The following NBEA variants were observed in gnomAD, a reference collection of about 807,000 sequenced individuals.
NBEA encodes the protein neurobeachin.
In NBEA, 44 loss-of-function variants were observed where a neutral mutation model predicts 343.4. That is an observed-to-expected ratio of 0.13 (90% confidence interval 0.10 to 0.16). The LOEUF (loss-of-function observed/expected upper bound fraction) is 0.16. Ranked by LOEUF, NBEA falls within the 10% of genes least tolerant of loss-of-function variation. NBEA has a pLI of 1.00. For missense variants in NBEA, 2,555 were observed against 3,631.3 expected (o/e 0.70, Z 7.62); for synonymous variants, 1,175 against 1,238.7 (o/e 0.95, Z 1.08).
chr13:35,581,905 G>GA (rs66496898), intron 45 of NBEA, among the ~76,000 whole-genome samples: 12,584 of 121,284 alleles, frequency 0.1, 608 homozygotes, highest in African/African-American at 0.16. Flanking sequence ...AAAAAGAAAA[G>GA]AAAAAAAAAG....
At chr13:35,203,986 AGAGCAGGG>A (rs1410893924) in intron 31 of NBEA, among the ~76,000 whole-genome samples, 1 of 152,164 alleles carries the variant, frequency 6.6e-6, no homozygotes, top group African/African-American at 2.4e-5. Flanking sequence ...TATGTAGAAT[AGAGCAGGG>A]GTCCCCACCC....
intron 1 of NBEA, among the ~76,000 whole-genome samples, chr13:35,035,368 G>A (rs929156942): frequency 4.0e-5 from 6 of 151,868 alleles, no homozygotes; most frequent in African/African-American, 7.2e-5. Flanking sequence ...GTTGTTGTCA[G>A]AGAAGAGCTT....
At chr13:35,052,790 T>C (rs1300467903) in intron 6 of NBEA, among the ~76,000 whole-genome samples, 1 of 152,048 alleles carries the variant, frequency 6.6e-6, no homozygotes, top group Non-Finnish European at 1.5e-5. Context: ...GATCAGCTCA[T>C]TAATCAGTGC....
intron 11 of NBEA, among the ~76,000 whole-genome samples, chr13:35,106,747 C>T (rs1392971673): frequency 1.3e-5 from 2 of 150,958 alleles, no homozygotes; most frequent in Non-Finnish European, 3.0e-5. Flanking sequence ...AATTGGTATG[C>T]GAAAACAATG....
intron 41 of NBEA, among the ~76,000 whole-genome samples, chr13:35,543,892 G>A (rs2078946682): frequency 6.6e-6 from 1 of 152,094 alleles, no homozygotes; most frequent in South Asian, 2.1e-4. Context: ...CTTCCAGGTG[G>A]TCATTTTGGA....
At chr13:35,174,944 C>T (rs2070761450) in intron 27 of NBEA, among the ~76,000 whole-genome samples, 2 of 151,996 alleles carry the variant, frequency 1.3e-5, no homozygotes, top group Admixed American at 1.3e-4. Context: ...AGATGTGTGC[C>T]ACCACGCCCA....
chr13:34,975,715 G>T (rs1416761644), intron 1 of NBEA, among the ~76,000 whole-genome samples: 2 of 151,262 alleles, frequency 1.3e-5, no homozygotes, highest in African/African-American at 2.4e-5. Flanking sequence ...AATCTACAAA[G>T]AACTCAAATC....
intron 48 of NBEA, among the ~76,000 whole-genome samples, chr13:35,620,044 C>T (rs148978213): frequency 1.1e-3 from 166 of 152,202 alleles, no homozygotes; most frequent in African/African-American, 3.9e-3. Flanking sequence ...TCAGAAGGTG[C>T]ACTCTAGTTA....
chr13:35,442,556 G>A (rs1044824675), intron 39 of NBEA, among the ~76,000 whole-genome samples: 4 of 152,008 alleles, frequency 2.6e-5, no homozygotes, highest in Non-Finnish European at 5.9e-5. Flanking sequence ...CCATTAAGAA[G>A]ATTATTAAGT....
chr13:35,116,676 T>C (rs553141783), intron 13 of NBEA, among the ~76,000 whole-genome samples: 59 of 152,178 alleles, frequency 3.9e-4, no homozygotes, highest in Non-Finnish European at 6.6e-4. Flanking sequence ...AGATAAATAC[T>C]GGTTGCTACA....
chr13:35,438,864 T>G (rs2045583264), intron 39 of NBEA, among the ~76,000 whole-genome samples: 1 of 152,216 alleles, frequency 6.6e-6, no homozygotes, highest in South Asian at 2.1e-4. Context: ...TAAAATACAT[T>G]TGACAGATAT....
chr13:35,520,644 A>G (rs756445884), intron 41 of NBEA, among the ~76,000 whole-genome samples: 1 of 152,048 alleles, frequency 6.6e-6, no homozygotes, highest in Non-Finnish European at 1.5e-5. Flanking sequence ...CTTTTTTCCA[A>G]CTAGCTTCAG....
At chr13:35,154,855 G>C (rs1184707655) in intron 18 of NBEA, among the ~76,000 whole-genome samples, 1 of 152,080 alleles carries the variant, frequency 6.6e-6, no homozygotes, top group African/African-American at 2.4e-5. Flanking sequence ...GCCAGATGTG[G>C]TGGCTCATGC....
chr13:35,554,260 T>C (rs9530702), intron 43 of NBEA, among the ~76,000 whole-genome samples: 51,760 of 152,026 alleles, frequency 0.34, 10,617 homozygotes, highest in Middle Eastern at 0.5. Context: ...ATGGAGATAC[T>C]AAGGGTGCCA....
chr13:35,359,707 G>T (rs2040697712), intron 38 of NBEA, among the ~76,000 whole-genome samples: 1 of 151,866 alleles, frequency 6.6e-6, no homozygotes, highest in African/African-American at 2.4e-5. Context: ...AATGTATATA[G>T]TTTTTCTTTG....
chr13:35,142,577 CTT>C (rs2068150082), intron 18 of NBEA, among the ~76,000 whole-genome samples, 200 bp downstream of exon 18: 1 of 152,086 alleles, frequency 6.6e-6, no homozygotes, highest in Non-Finnish European at 1.5e-5. Flanking sequence ...TTGCCAATTT[CTT>C]TATGTCGATC....
At chr13:35,622,216 G>C (rs1007509199) in intron 48 of NBEA, among the ~76,000 whole-genome samples, 1 of 152,284 alleles carries the variant, frequency 6.6e-6, no homozygotes, top group East Asian at 1.9e-4. Flanking sequence ...GTGCCCAAGG[G>C]CTGTGAAGTG....
chr13:35,491,788 T>G (rs1156893412), intron 41 of NBEA, among the ~76,000 whole-genome samples: 1 of 151,924 alleles, frequency 6.6e-6, no homozygotes, highest in African/African-American at 2.4e-5. Context: ...AGGAATATGA[T>G]CCAATAGGAA....
At chr13:35,362,376 A>G (rs985083257) in intron 38 of NBEA, among the ~76,000 whole-genome samples, 3 of 151,868 alleles carry the variant, frequency 2.0e-5, no homozygotes, top group Non-Finnish European at 4.4e-5. Context: ...GTTTTATATA[A>G]TCCTAAATTA....
Sources: allele counts gnomAD v4.1 joint callset (sites outside exome capture counted in the v4.1 genomes callset), GRCh38; gene constraint gnomAD v4.1.1; transcripts MANE v1.5; gene names NCBI Gene and HGNC (gene_info 2026-07-23, HGNC 2026-07-21).